Variants in CTNND2 observed in about 807,000 individuals in gnomAD.
The protein encoded by CTNND2 is catenin delta 2, also known as catenin delta-2.
CTNND2 carries 22 observed loss-of-function variants against 144.4 expected under a neutral mutation model. That is an observed-to-expected ratio of 0.15 (90% CI 0.11 to 0.22). CTNND2 has a LOEUF of 0.22. Ranked by LOEUF, CTNND2 falls within the 10% of genes least tolerant of loss-of-function variation. The pLI, the probability that CTNND2 is intolerant of heterozygous loss-of-function variation, is 1.00. For missense variants in CTNND2, 1,353 were observed against 1,618.8 expected, an observed-to-expected ratio of 0.84 and a Z score of 2.82; for synonymous variants, 751 against 695.6, an observed-to-expected ratio of 1.08 and a Z score of -1.25.
chr5:11,167,827 C>T (rs1759496265), intron 11 of CTNND2, among the ~76,000 whole-genome samples: 1 of 150,228 alleles, frequency 6.7e-6, no homozygotes, highest in African/African-American at 2.5e-5. Flanking sequence ...ACCTCCGCCA[C>T]TTGAGTAGCT....
At chr5:11,165,835 T>C (rs927204108) in intron 11 of CTNND2, among the ~76,000 whole-genome samples, 3 of 152,210 alleles carry the variant, frequency 2.0e-5, no homozygotes, top group African/African-American at 7.2e-5. Flanking sequence ...TACAGGGTAA[T>C]TGTAGTTTCT....
intron 1 of CTNND2, among the ~76,000 whole-genome samples, chr5:11,778,526 A>G (rs1365630418): frequency 6.6e-6 from 1 of 152,182 alleles, no homozygotes; most frequent in East Asian, 1.9e-4. Context: ...CCCTAAACCT[A>G]TAATCTCAAT....
At chr5:11,819,865 C>G (rs1793219805) in intron 1 of CTNND2, among the ~76,000 whole-genome samples, 1 of 151,908 alleles carries the variant, frequency 6.6e-6, no homozygotes, top group Non-Finnish European at 1.5e-5. Context: ...CTGCCTGCAA[C>G]AGTCTCAGAA....
chr5:11,390,879 T>C (rs1367923725), intron 6 of CTNND2, among the ~76,000 whole-genome samples: 1 of 152,168 alleles, frequency 6.6e-6, no homozygotes, highest in Admixed American at 6.5e-5. Flanking sequence ...CCAGATAATA[T>C]TGGCTGGTGG....
At chr5:11,448,853 T>A (rs1002682361) in intron 3 of CTNND2, among the ~76,000 whole-genome samples, 24 of 151,856 alleles carry the variant, frequency 1.6e-4, no homozygotes, top group Non-Finnish European at 3.1e-4. Flanking sequence ...TTTTTTTGCT[T>A]GTTTGCTAGT....
At chr5:11,406,380 C>T (rs1294309058) in intron 5 of CTNND2, among the ~76,000 whole-genome samples, 8 of 152,018 alleles carry the variant, frequency 5.3e-5, no homozygotes, top group Non-Finnish European at 8.8e-5. Flanking sequence ...AGAAAACAGC[C>T]CTTTTTCCCT....
At chr5:11,636,952 T>C (rs1781738918) in intron 2 of CTNND2, among the ~76,000 whole-genome samples, 1 of 152,074 alleles carries the variant, frequency 6.6e-6, no homozygotes, top group Admixed American at 6.6e-5. Flanking sequence ...GTGGATTGTA[T>C]TAGGAATAAA....
chr5:11,847,574 G>A (rs1472743307), intron 1 of CTNND2, among the ~76,000 whole-genome samples: 2 of 151,978 alleles, frequency 1.3e-5, no homozygotes, highest in Non-Finnish European at 2.9e-5. Context: ...GCACAGTAGG[G>A]TGACCACAGC....
intron 8 of CTNND2, among the ~76,000 whole-genome samples, chr5:11,359,405 T>C (rs898348887): frequency 3.3e-5 from 5 of 152,178 alleles, no homozygotes; most frequent in African/African-American, 1.2e-4. Context: ...ACTGGTGGCC[T>C]TCCTCTCTGT....
intron 7 of CTNND2, among the ~76,000 whole-genome samples, chr5:11,376,324 G>GCGTGTGTGTGTGTTCATGTATC (rs1554044787): frequency 0.017 from 2,473 of 148,444 alleles, 30 homozygotes; most frequent in Middle Eastern, 0.031. Flanking sequence ...GTGTGTGTGT[G>GCGTGTGTGTGTGTTCATGTATC]TGTGTGTGTG....
intron 1 of CTNND2, among the ~76,000 whole-genome samples, chr5:11,843,487 G>T (rs1479123341): frequency 3.3e-5 from 5 of 152,162 alleles, no homozygotes; most frequent in Admixed American, 2.0e-4. Context: ...TTCCCAGACA[G>T]CCTGTATCAT....
intron 1 of CTNND2, among the ~76,000 whole-genome samples, chr5:11,733,249 G>A (rs1370187991): frequency 6.6e-6 from 1 of 152,118 alleles, no homozygotes; most frequent in Admixed American, 6.5e-5. Flanking sequence ...GTATCTGGGG[G>A]GATGAGACAG....
intron 6 of CTNND2, among the ~76,000 whole-genome samples, chr5:11,391,582 A>G (rs1759632338): frequency 6.6e-6 from 1 of 152,250 alleles, no homozygotes; most frequent in Non-Finnish European, 1.5e-5. Context: ...TTCTTTTCAA[A>G]TCGTCTTCCA....
intron 1 of CTNND2, among the ~76,000 whole-genome samples, chr5:11,777,788 A>T (rs554407175): frequency 6.6e-6 from 1 of 152,218 alleles, no homozygotes; most frequent in Non-Finnish European, 1.5e-5. Context: ...TAAAAAATAC[A>T]ACTCTCCAGG....
chr5:11,879,354 T>TATATATATATATATATATATAC lies in CTNND2; in HGVS notation c.37+24462_37+24463insGTATATATATATATATATATAT, dbSNP rs1169270632. On this transcript the variant is annotated intron_variant, in intron 1 of 21. Coordinates refer to ENST00000304623, the MANE Select transcript of CTNND2 (RefSeq NM_001332.4). The stretch of plus-strand genomic sequence containing the variant: ...AATTAAATGTGTGTATATATATATA[T>TATATATATATATATATATATAC]ATACATATACACACACACACAAACA... Among the ~76,000 whole-genome samples, 244 of 139,752 alleles carry TATATATATATATATATATATAC rather than the reference T, an allele frequency of 1.7e-3. 7 individuals are homozygous for TATATATATATATATATATATAC. The highest frequency in any genetic ancestry group is 2.7e-3 in the Non-Finnish European group (170 of 63,992). The allele number at this position is 139,752 out of a possible 152,430, so 91.7% of individuals were successfully genotyped here. A position where few individuals can be genotyped will look rare whatever the true frequency, so the allele number is the denominator to read the frequency against.
At chr5:11,302,280 C>A (rs1240626774) in intron 9 of CTNND2, among the ~76,000 whole-genome samples, 2 of 152,024 alleles carry the variant, frequency 1.3e-5, no homozygotes, top group Admixed American at 1.3e-4. Context: ...GACAGCCACT[C>A]CCAATCAGGA....
At chr5:11,896,723 TCA>T (rs1737423674) in intron 1 of CTNND2, among the ~76,000 whole-genome samples, 1 of 152,176 alleles carries the variant, frequency 6.6e-6, no homozygotes, top group Non-Finnish European at 1.5e-5. Context: ...CACTGTGTTC[TCA>T]GTGTTCTCAC....
At chr5:11,589,312 C>CACACA (rs761346317) in intron 2 of CTNND2, among the ~76,000 whole-genome samples, 2 of 149,418 alleles carry the variant, frequency 1.3e-5, no homozygotes, top group Non-Finnish European at 3.0e-5. Flanking sequence ...CACACACACA[C>CACACA]GACAACAACA....
intron 18 of CTNND2, among the ~76,000 whole-genome samples, chr5:11,005,285 AG>A (rs1310486348): frequency 6.6e-6 from 1 of 152,254 alleles, no homozygotes; most frequent in African/African-American, 2.4e-5. Flanking sequence ...AAGCGATCGC[AG>A]GCAGGGTGGA....
Sources: gnomAD v4.1 joint callset for allele counts (sites outside exome capture counted in the v4.1 genomes callset) on GRCh38, gnomAD v4.1.1 for gene constraint, MANE v1.5 for transcripts, NCBI Gene and HGNC (gene_info 2026-07-23, HGNC 2026-07-21) for gene names.